Variants in LAMA2 observed in about 807,000 individuals in gnomAD.
LAMA2 encodes the protein laminin subunit alpha 2, also known as laminin subunit alpha-2.
A neutral mutation model predicts 364.8 loss-of-function variants in LAMA2; 269 were observed. The ratio of observed to expected loss-of-function variants is 0.74; its 90% CI spans 0.67 to 0.82. The LOEUF (loss-of-function observed/expected upper bound fraction) is 0.82. Among genes scored for constraint, LAMA2 ranks in the 40% least tolerant of loss-of-function variants. The probability of loss-of-function intolerance (pLI) is 0.00; values close to 1 mark genes in which losing one functional copy is unlikely to be tolerated. For synonymous variants in LAMA2, 1,379 were observed against 1,370.6 expected, an observed-to-expected ratio of 1.01 and a Z score of -0.14; for missense variants, 3,807 against 3,873.2, an observed-to-expected ratio of 0.98 and a Z score of 0.45.
chr6:128,985,378 A>G (rs754212410), intron 1 of LAMA2, among the ~76,000 whole-genome samples: 6 of 152,162 alleles, frequency 3.9e-5, no homozygotes, highest in Non-Finnish European at 7.4e-5. Flanking sequence ...TAGACATTTT[A>G]TTGGAATGTA....
chr6:128,922,396 C>T lies in LAMA2; in HGVS notation c.112+39039C>T, dbSNP rs572425214. Among the ~76,000 whole-genome samples the T allele has an allele frequency of 5.1e-3, 766 of 151,504 alleles. 5 individuals are homozygous for T. The highest frequency in any genetic ancestry group is 0.018 in the African/African-American group (729 of 41,046). ...TGTTTCCTGACTTTTTAATGATTGCCATTCTAACTGGTGTGAGATGGTATC... is the reference window on the plus strand; with the variant it reads ...TGTTTCCTGACTTTTTAATGATTGCTATTCTAACTGGTGTGAGATGGTATC... On this transcript the variant is annotated intron_variant, in intron 1 of 64. Coordinates refer to ENST00000421865, the MANE Select transcript of LAMA2 (RefSeq NM_000426.4).
At chr6:129,089,465 A>G (rs9482983) in intron 3 of LAMA2, among the ~76,000 whole-genome samples, 4,474 of 152,312 alleles carry the variant, frequency 0.029, 203 homozygotes, top group African/African-American at 0.1. Context: ...TTAAACTGTC[A>G]TATTTCTGAT....
At chr6:128,990,341 A>G (rs1478810037) in intron 1 of LAMA2, among the ~76,000 whole-genome samples, 4 of 152,218 alleles carry the variant, frequency 2.6e-5, no homozygotes, top group Non-Finnish European at 4.4e-5. Context: ...ATTCTAACTC[A>G]CAGGAATAAA....
intron 18 of LAMA2, among the ~76,000 whole-genome samples, chr6:129,286,341 A>C (rs1789120512): frequency 1.3e-5 from 2 of 151,402 alleles, no homozygotes; most frequent in African/African-American, 4.9e-5. Context: ...GGCTTAGTAT[A>C]AAGTGTGAGC....
At chr6:128,966,270 T>A (rs1165888592) in intron 1 of LAMA2, among the ~76,000 whole-genome samples, 1 of 152,062 alleles carries the variant, frequency 6.6e-6, no homozygotes, top group Non-Finnish European at 1.5e-5. Flanking sequence ...CCATACATTT[T>A]AAAATGTTGT....
intron 40 of LAMA2, among the ~76,000 whole-genome samples, chr6:129,421,632 G>A (rs900298056): frequency 6.6e-6 from 1 of 152,028 alleles, no homozygotes; most frequent in African/African-American, 2.4e-5. Flanking sequence ...GAGTTGAAAC[G>A]GTGCTTTTCA....
intron 20 of LAMA2, 126 bp from the exon 21 acceptor site, chr6:129,297,559 C>G (rs1403968260): frequency 2.4e-6 from 2 of 830,790 alleles, no homozygotes; most frequent in African/African-American, 3.4e-5. Context: ...ATTGTCATAA[C>G]ATCAGTGAGG....
intron 1 of LAMA2, among the ~76,000 whole-genome samples, chr6:128,924,732 G>A (rs952778008): frequency 2.0e-5 from 3 of 152,166 alleles, no homozygotes; most frequent in Non-Finnish European, 4.4e-5. Flanking sequence ...TTCCCAGCAT[G>A]TGGATGCTCT....
chr6:128,918,227 ATTACTTTAAATTTCCTAAATT>A (rs1778470470), intron 1 of LAMA2, among the ~76,000 whole-genome samples: 1 of 152,210 alleles, frequency 6.6e-6, no homozygotes, highest in Non-Finnish European at 1.5e-5. Context: ...CACTGGTAAC[ATTACTTTAAATTTCCTAAATT>A]TATAATTCAA....
rs146430771 is a variant in LAMA2, at chr6:128,890,400, A to G, written c.112+7043A>G. The stretch of plus-strand genomic sequence containing the variant: ...ACTATCACCTCTTTTGGACTTTTAT[A>G]TATTTATCTTTCATAAAATACCCTG... On this transcript the variant is annotated intron_variant, in intron 1 of 64. Transcript: ENST00000421865. Among the ~76,000 whole-genome samples the G allele has an allele frequency of 5.3e-5, 8 of 152,160 alleles. No individual in the cohort carries two copies. The East Asian group carries it at 1.2e-3, about 22-fold the overall frequency.
At chr6:129,172,836 T>C (rs1205758752) in intron 9 of LAMA2, among the ~76,000 whole-genome samples, 1 of 152,240 alleles carries the variant, frequency 6.6e-6, no homozygotes, top group East Asian at 1.9e-4. Context: ...TCCATGGGCG[T>C]AGGACCCTCC....
intron 40 of LAMA2, among the ~76,000 whole-genome samples, chr6:129,414,051 G>A (rs1780667768): frequency 6.6e-6 from 1 of 151,962 alleles, no homozygotes. Flanking sequence ...CATAACTGTA[G>A]ATACATTATA....
chr6:129,389,846 CA>C (rs1454587128), intron 35 of LAMA2, among the ~76,000 whole-genome samples: 1 of 152,146 alleles, frequency 6.6e-6, no homozygotes, highest in Admixed American at 6.5e-5. Context: ...ATGATTCAGT[CA>C]CCACCCACCA....
At chr6:129,159,116 G>C (rs1779305381) in intron 8 of LAMA2, 1 of 1,575,596 alleles carries the variant, frequency 6.3e-7, no homozygotes. Flanking sequence ...GTATAGCTGA[G>C]TCATTGTTCA....
chr6:128,924,411 A>T (rs952897819), intron 1 of LAMA2, among the ~76,000 whole-genome samples: 9 of 152,198 alleles, frequency 5.9e-5, no homozygotes, highest in African/African-American at 2.2e-4. Flanking sequence ...CTCATAAAGG[A>T]GAAAGAGGAA....
intron 14 of LAMA2, among the ~76,000 whole-genome samples, chr6:129,259,883 A>G (rs1421008218): frequency 6.6e-6 from 1 of 152,166 alleles, no homozygotes; most frequent in Non-Finnish European, 1.5e-5. Flanking sequence ...ACAAAACTGT[A>G]TTCTTAATAA....
rs760572086 is a variant in LAMA2, at chr6:129,391,577, G to C, written c.5158G>C (p.Glu1720Gln). 9.9e-5 allele frequency: 159 copies of C among 1,613,684 alleles called. No homozygotes were observed. Among genetic ancestry groups the C allele is most frequent in the Non-Finnish European group, 1.2e-4 (143 of 1,179,726 alleles). Residue 1720 changes from glutamate (E) to glutamine (Q), a missense_variant, in exon 36 of 65, where the codon GAG (glutamate) becomes CAG (glutamine). This residue lies in a region of LAMA2 where 3,333 missense variants were observed against 3,345.7 expected (regional missense o/e 1.00). Coordinates refer to ENST00000421865, the MANE Select transcript of LAMA2 (RefSeq NM_000426.4). ...GAGAAATTTGGAAGGGCTTCAGAAA[G>C]AGATTGACCAGATGATTAAAGAACT... ...FERNLEGLQK[E>Q]IDQMIKELRR...
At chr6:129,115,546 C>G (rs1405519607) in intron 4 of LAMA2, among the ~76,000 whole-genome samples, 1 of 152,100 alleles carries the variant, frequency 6.6e-6, no homozygotes, top group Non-Finnish European at 1.5e-5. Flanking sequence ...TTAGGAAATT[C>G]AATTCCTAAA....
At chr6:129,274,980 C>A (rs1788202755) in intron 17 of LAMA2, among the ~76,000 whole-genome samples, 1 of 151,858 alleles carries the variant, frequency 6.6e-6, no homozygotes, top group Non-Finnish European at 1.5e-5. Flanking sequence ...TGGCACAAGG[C>A]TGGACAGAGA....
Sources: allele counts gnomAD v4.1 joint callset (sites outside exome capture counted in the v4.1 genomes callset), GRCh38; gene constraint gnomAD v4.1.1; regional missense constraint gnomAD v4.1.1; transcripts MANE v1.5; gene names NCBI Gene and HGNC (gene_info 2026-07-23, HGNC 2026-07-21).